The following CCSER1 variants were observed in gnomAD, a reference collection of about 807,000 sequenced individuals.
The protein encoded by CCSER1 is coiled-coil serine rich protein 1, also known as serine-rich coiled-coil domain-containing protein 1.
In CCSER1, 41 loss-of-function variants were observed where a neutral mutation model predicts 82.0. That is an observed-to-expected ratio of 0.50 (90% confidence interval 0.39 to 0.65). The LOEUF (loss-of-function observed/expected upper bound fraction) is 0.65. Among genes scored for constraint, CCSER1 ranks in the 30% least tolerant of loss-of-function variants. The pLI, the probability that CCSER1 is intolerant of heterozygous loss-of-function variation, is 0.00. For synonymous variants in CCSER1, 414 were observed against 383.9 expected, an observed-to-expected ratio of 1.08 and a Z score of -0.92; for missense variants, 1,119 against 1,064.2, an observed-to-expected ratio of 1.05 and a Z score of -0.72.
intron 9 of CCSER1, among the ~76,000 whole-genome samples, chr4:91,040,987 TTTA>T (rs1741909949): frequency 6.6e-6 from 1 of 152,320 alleles, no homozygotes; most frequent in East Asian, 1.9e-4. Flanking sequence ...GTTACAAATC[TTTA>T]TTATTATTTT....
chr4:90,315,053 G>C (rs1735942007), intron 3 of CCSER1, among the ~76,000 whole-genome samples: 1 of 151,564 alleles, frequency 6.6e-6, no homozygotes, highest in Non-Finnish European at 1.5e-5. Context: ...CACCATGTTG[G>C]CCAGGCTGGT....
chr4:91,324,944 C>A (rs965283049), intron 10 of CCSER1, among the ~76,000 whole-genome samples: 30 of 152,068 alleles, frequency 2.0e-4, no homozygotes, highest in Admixed American at 2.0e-3. Context: ...AATTGTAATC[C>A]CCTAGTGTTG....
chr4:90,549,553 G>T (rs1412461602), intron 5 of CCSER1, among the ~76,000 whole-genome samples: 1 of 152,122 alleles, frequency 6.6e-6, no homozygotes, highest in Non-Finnish European at 1.5e-5. Context: ...TGAAGGGAAG[G>T]TTTAGGGTAT....
intron 7 of CCSER1, among the ~76,000 whole-genome samples, chr4:90,771,599 AT>A (rs1752185431): frequency 6.6e-6 from 1 of 151,042 alleles, no homozygotes; most frequent in African/African-American, 2.4e-5. Flanking sequence ...AAAAAAATGC[AT>A]ATTTTTGTAG....
intron 5 of CCSER1, among the ~76,000 whole-genome samples, chr4:90,517,453 A>G (rs1772440291): frequency 6.6e-6 from 1 of 152,144 alleles, no homozygotes; most frequent in African/African-American, 2.4e-5. Context: ...ACATAAGTAG[A>G]TAGGTGTTGG....
chr4:91,541,716 G>C (rs951802805), intron 10 of CCSER1, among the ~76,000 whole-genome samples: 1 of 152,118 alleles, frequency 6.6e-6, no homozygotes, highest in Non-Finnish European at 1.5e-5. Flanking sequence ...ATAGCAGCAT[G>C]ATTTATAATC....
chr4:91,546,163 T>G (rs1030567395), intron 10 of CCSER1, among the ~76,000 whole-genome samples: 1 of 152,158 alleles, frequency 6.6e-6, no homozygotes, highest in Non-Finnish European at 1.5e-5. Flanking sequence ...TTTTATATAT[T>G]GGGTTTGATT....
At chr4:90,628,312 T>C (rs766144859) in intron 6 of CCSER1, 80 bp downstream of exon 6, 349 of 1,097,550 alleles carry the variant, frequency 3.2e-4, no homozygotes, top group Non-Finnish European at 4.2e-4. Flanking sequence ...CCCTGCTCTG[T>C]CAGTAATTAA....
intron 5 of CCSER1, among the ~76,000 whole-genome samples, chr4:90,610,584 A>G (rs1263059249): frequency 6.6e-6 from 1 of 152,150 alleles, no homozygotes; most frequent in Admixed American, 6.5e-5. Context: ...AGAAAAGAAA[A>G]ATTTTAGGCT....
intron 10 of CCSER1, among the ~76,000 whole-genome samples, chr4:91,299,194 AAG>A (rs1744464333): frequency 6.6e-6 from 1 of 152,024 alleles, no homozygotes; most frequent in Non-Finnish European, 1.5e-5. Flanking sequence ...ATGCCCTTTT[AAG>A]AGTGAGGCAG....
intron 1 of CCSER1, among the ~76,000 whole-genome samples, chr4:90,167,109 G>A (rs1730598296): frequency 6.6e-6 from 1 of 151,966 alleles, no homozygotes; most frequent in Non-Finnish European, 1.5e-5. Context: ...ATTCAGCAAT[G>A]TAATTTTGGA....
intron 1 of CCSER1, among the ~76,000 whole-genome samples, chr4:90,301,623 A>C (rs568136743): frequency 2.8e-4 from 43 of 152,248 alleles, no homozygotes; most frequent in Admixed American, 5.9e-4. Flanking sequence ...AAATAAAATA[A>C]CGTTTATGGT....
At chr4:91,448,835 CCTTGCAGAA>C (rs1755717366) in intron 10 of CCSER1, among the ~76,000 whole-genome samples, 1 of 151,896 alleles carries the variant, frequency 6.6e-6, no homozygotes, top group Non-Finnish European at 1.5e-5. Flanking sequence ...AAGTTACTGC[CCTTGCAGAA>C]CTTGCATTCT....
chr4:91,578,108 T>C (rs968103997), intron 10 of CCSER1, among the ~76,000 whole-genome samples: 15 of 152,078 alleles, frequency 9.9e-5, no homozygotes, highest in Middle Eastern at 3.4e-3. Context: ...CTTGGGAGCA[T>C]TGGGAACTAA....
intron 1 of CCSER1, among the ~76,000 whole-genome samples, chr4:90,140,657 C>CATTTTTTT (rs1724576994): frequency 1.6e-5 from 1 of 63,602 alleles, no homozygotes; most frequent in African/African-American, 6.8e-5. Flanking sequence ...TTTTGGTCTA[C>CATTTTTTT]TTTTTTTTTT....
chr4:90,841,840 A>G (rs1415459930), intron 8 of CCSER1, among the ~76,000 whole-genome samples: 1 of 152,116 alleles, frequency 6.6e-6, no homozygotes, highest in African/African-American at 2.4e-5. Flanking sequence ...ATTATTTCTA[A>G]CAATAAGCCA....
intron 9 of CCSER1, among the ~76,000 whole-genome samples, chr4:90,952,216 G>A (rs758429921): frequency 3.3e-5 from 5 of 152,012 alleles, no homozygotes; most frequent in Non-Finnish European, 7.4e-5. Context: ...CAAACTATAT[G>A]AGAGGAAAGG....
chr4:90,982,329 G>A (rs1025489133), intron 9 of CCSER1, among the ~76,000 whole-genome samples: 24 of 151,668 alleles, frequency 1.6e-4, no homozygotes, highest in South Asian at 6.2e-4. Flanking sequence ...ATGACTTCAC[G>A]TAAACCTCAT....
At chr4:90,723,687 A>C (rs1580155923) in intron 6 of CCSER1, among the ~76,000 whole-genome samples, 2 of 151,950 alleles carry the variant, frequency 1.3e-5, no homozygotes, top group Non-Finnish European at 2.9e-5. Context: ...ATGCACTTAA[A>C]ATATACATGG....
Sources: gnomAD v4.1 joint callset for allele counts (sites outside exome capture counted in the v4.1 genomes callset) on GRCh38, gnomAD v4.1.1 for gene constraint, MANE v1.5 for transcripts, NCBI Gene and HGNC (gene_info 2026-07-23, HGNC 2026-07-21) for gene names.